MRTFB: variants seen among roughly 807,000 people sequenced by gnomAD.
MRTFB encodes myocardin-related transcription factor B.
Under a neutral mutation model 104.2 loss-of-function variants are expected in MRTFB, and 29 were observed. That is an observed-to-expected ratio of 0.28 (90% confidence interval 0.21 to 0.38). The LOEUF (loss-of-function observed/expected upper bound fraction) is 0.38. Among genes scored for constraint, MRTFB ranks in the 10% least tolerant of loss-of-function variants. The pLI, the probability that MRTFB is intolerant of heterozygous loss-of-function variation, is 1.00. For missense variants in MRTFB, 1,270 were observed against 1,341.6 expected (o/e 0.95, Z 0.83); for synonymous variants, 535 against 519.5 (o/e 1.03, Z -0.41).
chr16:14,233,173 T>A (rs1383246470), intron 8 of MRTFB, among the ~76,000 whole-genome samples: 1 of 152,240 alleles, frequency 6.6e-6, no homozygotes, highest in Admixed American at 6.5e-5. Context: ...TCAGCAATTG[T>A]TAATTTTGGC....
chr16:14,089,509 T>G (rs2034923424), intron 2 of MRTFB, among the ~76,000 whole-genome samples: 1 of 152,250 alleles, frequency 6.6e-6, no homozygotes, highest in Non-Finnish European at 1.5e-5. Context: ...AATACTACAT[T>G]TTGCTTATTT....
At position 14,260,247 on chromosome 16, in the gene MRTFB, CAT is replaced by C. The variant is rs1334381169; in HGVS notation, c.2765-659_2765-658del. ...CTTAAAAGAAAAGGATCAAAGGAACCATATGTTAGCTTTAATTCAGAAATGAA... is the reference window on the plus strand; with the variant it reads ...CTTAAAAGAAAAGGATCAAAGGAACCATGTTAGCTTTAATTCAGAAATGAA... On this transcript the variant is annotated intron_variant, in intron 16 of 16. Coordinates refer to ENST00000571589, the MANE Select transcript of MRTFB (RefSeq NM_001308142.2). 7.2e-5 allele frequency among the ~76,000 whole-genome samples: 11 copies of C among 151,852 alleles called. No homozygotes were observed. The East Asian group carries it at 2.1e-3, about 29-fold the overall frequency.
the MRTFB span, among the ~76,000 whole-genome samples, chr16:14,023,610 C>CACACATACAT: frequency 1.9e-4 from 20 of 106,964 alleles, no homozygotes; most frequent in African/African-American, 7.0e-4. Flanking sequence ...CACACACACA[C>CACACATACAT]ATACATATAC....
At position 14,094,653 on chromosome 16, in the gene MRTFB, G is replaced by C. The variant is rs530478033; in HGVS notation, c.-64+15299G>C. ...TGCATCTCAAAGTTAGCAAAATGGCGTACAGAAATTCTAAGAGAGTGGGAA... is the reference window on the plus strand; with the variant it reads ...TGCATCTCAAAGTTAGCAAAATGGCCTACAGAAATTCTAAGAGAGTGGGAA... On this transcript the variant is annotated intron_variant, in intron 2 of 16. Transcript: ENST00000571589. Among the ~76,000 whole-genome samples, 3 of 152,252 alleles carry C rather than the reference G, an allele frequency of 2.0e-5. No homozygotes were observed. In the South Asian group the frequency reaches 6.2e-4, roughly 32 times the overall value.
chr16:14,188,038 A>G (rs2040020466), intron 3 of MRTFB, among the ~76,000 whole-genome samples: 1 of 152,336 alleles, frequency 6.6e-6, no homozygotes, highest in East Asian at 1.9e-4. Context: ...CTTCTAAAAG[A>G]TAAGAAGAAG....
intron 2 of MRTFB, among the ~76,000 whole-genome samples, chr16:14,095,518 C>T (rs1250711878): frequency 6.6e-6 from 1 of 152,184 alleles, no homozygotes; most frequent in South Asian, 2.1e-4. Flanking sequence ...AGCCATGGAA[C>T]AATATCTTCC....
At position 14,246,696 on chromosome 16, in the gene MRTFB, C is replaced by G. The variant is rs1198898911; in HGVS notation, c.1436C>G (p.Ser479Cys). The G allele has an allele frequency of 6.2e-7, 1 of 1,614,212 alleles. No homozygotes were observed. The highest frequency in any genetic ancestry group is 8.5e-7 in the Non-Finnish European group (1 of 1,180,044). ...TLHNTVTSSVSTLKAELPPTG... is the reference protein window; with the variant it reads ...TLHNTVTSSVCTLKAELPPTG... ...CACAACACTGTGACTAGCTCAGTCTCTACTCTCAAGGCAGAATTGCCACCT... is the reference window on the plus strand; with the variant it reads ...CACAACACTGTGACTAGCTCAGTCTGTACTCTCAAGGCAGAATTGCCACCT... The change falls in exon 12 of 17, where the codon TCT (serine) becomes TGT (cysteine). Residue 479 changes from serine to cysteine, a missense_variant. Physicochemically the swap from Ser to Cys is moderately radical, Grantham distance 112. Coordinates refer to ENST00000571589, the MANE Select transcript of MRTFB (RefSeq NM_001308142.2).
the MRTFB span, among the ~76,000 whole-genome samples, chr16:14,033,938 GGGCTAGGCAATGGA>G: frequency 6.6e-6 from 1 of 152,070 alleles, no homozygotes; most frequent in African/African-American, 2.4e-5. Context: ...CCATTTAAGA[GGGCTAGGCAATGGA>G]GGAACAAAGC....
intron 10 of MRTFB, chr16:14,241,372 C>A (rs2042760738): frequency 6.6e-6 from 1 of 152,244 alleles, no homozygotes; most frequent in Non-Finnish European, 1.5e-5. Flanking sequence ...AAACTGAATT[C>A]ACAGCAAGAC....
chr16:14,133,210 C>T (rs1191569275), intron 2 of MRTFB, among the ~76,000 whole-genome samples: 2 of 152,182 alleles, frequency 1.3e-5, no homozygotes, highest in African/African-American at 4.8e-5. Flanking sequence ...CAAGAGATAG[C>T]CTTGACCCTG....
chr16:14,096,665 A>G (rs533875652), intron 2 of MRTFB, among the ~76,000 whole-genome samples: 1 of 152,240 alleles, frequency 6.6e-6, no homozygotes, highest in Non-Finnish European at 1.5e-5. Flanking sequence ...CATCTTCTGT[A>G]AAATGTCACT....
upstream of MRTFB, among the ~76,000 whole-genome samples, chr16:14,067,262 C>A (rs952294523): frequency 1.2e-4 from 18 of 148,976 alleles, no homozygotes; most frequent in Admixed American, 1.1e-3. Context: ...CCCTCTGTTG[C>A]CCAGGCTGGA....
At chr16:14,046,569 G>C in the MRTFB span, among the ~76,000 whole-genome samples, 4 of 152,040 alleles carry the variant, frequency 2.6e-5, no homozygotes, top group African/African-American at 7.2e-5. Context: ...TTTGGAATAT[G>C]CCAGGCTTTA....
intron 1 of MRTFB, among the ~76,000 whole-genome samples, chr16:14,075,501 A>C (rs527533102): frequency 6.6e-6 from 1 of 152,214 alleles, no homozygotes; most frequent in Non-Finnish European, 1.5e-5. Flanking sequence ...GTCAAACTTG[A>C]GTATGTATTA....
intron 13 of MRTFB, among the ~76,000 whole-genome samples, chr16:14,250,925 C>G (rs1190830826): frequency 6.6e-6 from 1 of 152,124 alleles, no homozygotes; most frequent in African/African-American, 2.4e-5. Flanking sequence ...CCCTCAGAAG[C>G]TGAGAGGCAG....
chr16:14,217,770 A>G (rs1220352765), intron 7 of MRTFB, among the ~76,000 whole-genome samples: 1 of 152,234 alleles, frequency 6.6e-6, no homozygotes, highest in East Asian at 1.9e-4. Context: ...TAATATTTTT[A>G]CTAACTTTTT....
intron 3 of MRTFB, among the ~76,000 whole-genome samples, chr16:14,204,246 G>T (rs1248495270): frequency 6.6e-6 from 1 of 152,172 alleles, no homozygotes; most frequent in Non-Finnish European, 1.5e-5. Flanking sequence ...CAAACACTGG[G>T]ATTACAGGCA....
chr16:14,145,360 A>G (rs1282472424), intron 3 of MRTFB, among the ~76,000 whole-genome samples: 1 of 152,164 alleles, frequency 6.6e-6, no homozygotes. Flanking sequence ...GGAAAAATGG[A>G]GATATTTCAG....
chr16:14,130,116 C>T (rs1047956490), intron 2 of MRTFB, among the ~76,000 whole-genome samples: 6 of 152,198 alleles, frequency 3.9e-5, no homozygotes, highest in African/African-American at 1.4e-4. Context: ...CTGGTGTGAG[C>T]CATCGCATCC....
Sources: gnomAD v4.1 joint callset for allele counts (sites outside exome capture counted in the v4.1 genomes callset) on GRCh38, gnomAD v4.1.1 for gene constraint, MANE v1.5 for transcripts, NCBI Gene and HGNC (gene_info 2026-07-23, HGNC 2026-07-21) for gene names.